Variants in MUC6 observed in about 807,000 individuals in gnomAD.
MUC6 encodes the protein mucin-6.
MUC6 carries 188 observed loss-of-function variants against 201.5 expected under a neutral mutation model. That is an observed-to-expected ratio of 0.93 (90% CI 0.83 to 1.05). MUC6 has a LOEUF of 1.05. Among genes scored for constraint, MUC6 ranks in the 50% least tolerant of loss-of-function variants. The pLI, the probability that MUC6 is intolerant of heterozygous loss-of-function variation, is 0.00. For synonymous variants in MUC6, 1,228 were observed against 1,389.4 expected, an observed-to-expected ratio of 0.88 and a Z score of 2.58; for missense variants, 2,706 against 3,256.9, an observed-to-expected ratio of 0.83 and a Z score of 4.12.
At position 1,025,834 on chromosome 11, in the gene MUC6, A is replaced by T. The variant is rs774127680; in HGVS notation, c.2770T>A (p.Cys924Ser). 5 of 1,612,830 alleles carry T rather than the reference A, an allele frequency of 3.1e-6. No individual in the cohort carries two copies. The highest frequency in any genetic ancestry group is 4.2e-6 in the Non-Finnish European group (5 of 1,179,740). ...NVICGNSGVT[C>S]SRAIKIFLGG... is the part of the protein sequence containing the mutation. ...AGGAAGATCTTGATGGCCCGTGAGCATGTGACCCCGGAGTTCCCACAGATG... is the reference window on the plus strand; with the variant it reads ...AGGAAGATCTTGATGGCCCGTGAGCTTGTGACCCCGGAGTTCCCACAGATG... Residue 924 changes from cysteine (C) to serine (S), a missense_variant, in exon 22 of 33, where the codon TGC (cysteine) becomes AGC (serine). Transcript: ENST00000421673.
In MUC6 at chr11:1,026,401, G is replaced by C; in HGVS notation, c.2472C>G (p.Pro824=). The part of the protein sequence containing the change: ...YENADGQCVP[P]EECPCEFSGV... ...CCGAGAACTCACATGGGCACTCCTC[G>C]GGGGGCACACACTGCCCGTCGGCAT... The change falls in exon 20 of 33, where the codon CCC becomes CCG. Residue 824 remains proline, a synonymous_variant. Transcript: ENST00000421673. The C allele has an allele frequency of 6.2e-7, 1 of 1,608,142 alleles. No individual in the cohort carries two copies.
chr11:1,023,530 C>T lies in MUC6; in HGVS notation c.3505G>A (p.Val1169Ile), dbSNP rs150335826. The change falls in exon 26 of 33, where the codon GTC becomes ATC. Residue 1169 changes from valine (V) to isoleucine (I), a missense_variant. Transcript: ENST00000421673. The part of the protein sequence containing the change: ...PCLCPSQPQS[V>I]PGSNIEGCYN... ...GCACCTTCGATGTTGCTGCCTGGGA[C>T]GCTCTGTGGCTGGCTGGGGCAGAGG... is the stretch of plus-strand genomic sequence containing the variant. 443 of 1,595,022 alleles carry T rather than the reference C, an allele frequency of 2.8e-4. 3 individuals are homozygous for T. In the East Asian group the frequency reaches 6.2e-3, roughly 22 times the overall value.
chr11:1,023,044 C>T (rs1201778132), intron 26 of MUC6, among the ~76,000 whole-genome samples: 1 of 145,478 alleles, frequency 6.9e-6, no homozygotes, highest in Non-Finnish European at 1.5e-5. Context: ...AGTGAATGTG[C>T]GTGAATGAAT....
In MUC6 at chr11:1,027,709, A is replaced by G; in HGVS notation, c.1957T>C (p.Trp653Arg). ...CSLRGVLLWG[W>R]RSSVDNCTIP... Reference sequence around the variant, plus strand: ...CTGCAGTTGTCCACACTGCTTCTCCAGCCCCAGAGCAGGACGCCCCGCAAG... The same window carrying G: ...CTGCAGTTGTCCACACTGCTTCTCCGGCCCCAGAGCAGGACGCCCCGCAAG... The change falls in exon 16 of 33, where the codon TGG becomes CGG. Residue 653 changes from tryptophan (W) to arginine (R), a missense_variant. Around this residue, in one of 10 missense-constraint regions of MUC6, gnomAD observed 1,850 missense variants for 1,958.3 expected, o/e 0.94. Transcript: ENST00000421673. 1 of 1,604,032 alleles carries G rather than the reference A, an allele frequency of 6.2e-7. No homozygotes were observed. Among genetic ancestry groups the G allele is most frequent in the African/African-American group, 1.3e-5 (1 of 74,762 alleles).
Position 1,023,974 on chromosome 11 carries a change from C to A in MUC6, c.3355G>T (p.Val1119Leu), listed in dbSNP as rs368740728. 6 of 1,612,588 alleles carry A rather than the reference C, an allele frequency of 3.7e-6. No homozygotes were observed. Among genetic ancestry groups the A allele is most frequent in the Non-Finnish European group, 4.2e-6 (5 of 1,179,672 alleles). The change falls in exon 25 of 33, where the codon GTG becomes TTG. Residue 1119 changes from valine to leucine, a missense_variant. Val to Leu is a conservative substitution (Grantham distance 32, BLOSUM62 1). Transcript: ENST00000421673. Reference protein sequence around the residue: ...AQACLDKGVCVDWRTPAFCPI... With the variant: ...AQACLDKGVCLDWRTPAFCPI... Reference sequence around the variant, plus strand: ...CAGAAGGCCGGGGTCCTCCAGTCCACGCACACACCCTTGTCCAGACAGGCT... The same window carrying A: ...CAGAAGGCCGGGGTCCTCCAGTCCAAGCACACACCCTTGTCCAGACAGGCT...
At chr11:1,028,520 T>C in intron 13 of MUC6, 126 bp downstream of exon 13, 1 of 1,532,832 alleles carries the variant, frequency 6.5e-7, no homozygotes. Flanking sequence ...ACGTGCCTGT[T>C]ACCCCTGGGG....
chr11:1,025,726 T>G, intron 22 of MUC6, 79 bp downstream of exon 22: 1 of 1,329,478 alleles, frequency 7.5e-7, no homozygotes, highest in Non-Finnish European at 1.0e-6. Context: ...ACCTGGAGGC[T>G]CCAGTGCGCG....
rs772349712 is a variant in MUC6, at chr11:1,016,021, G to A, written c.6780C>T (p.Thr2260=). The change falls in exon 31 of 33, where the codon ACC becomes ACT. Residue 2260 remains threonine, a synonymous_variant. Coordinates refer to ENST00000421673, the MANE Select transcript of MUC6 (RefSeq NM_005961.3). Reference sequence around the variant, plus strand: ...TGGACTGAGAGGAGAAGGCAGGGGCGGTGTGGGTGCTGGCCGTGGTCCTGG... The same window carrying A: ...TGGACTGAGAGGAGAAGGCAGGGGCAGTGTGGGTGCTGGCCGTGGTCCTGG... The part of the protein sequence containing the change: ...STPRTTASTH[T]APAFSSQSTT... 40 of 1,608,228 alleles carry A rather than the reference G, an allele frequency of 2.5e-5. No individual in the cohort carries two copies. The East Asian group carries it at 3.6e-4, about 14-fold the overall frequency.
In MUC6 at chr11:1,028,377, G is replaced by A; in HGVS notation, c.1602C>T (p.Gly534=). ...CATCCGTTGTGTCCCCGTTGAAGTTGCCGCAGAGCCCTGAGCCGGCGGGGC... is the reference window on the plus strand; with the variant it reads ...CATCCGTTGTGTCCCCGTTGAAGTTACCGCAGAGCCCTGAGCCGGCGGGGC... ...QFRGQTRGLC[G]NFNGDTTDDF... Residue 534 remains glycine (G), a synonymous_variant, in exon 14 of 33, where the codon GGC becomes GGT. Transcript: ENST00000421673. The A allele has an allele frequency of 6.2e-7, 1 of 1,612,230 alleles. No homozygotes were observed. Among genetic ancestry groups the A allele is most frequent in the Non-Finnish European group, 8.5e-7 (1 of 1,179,804 alleles).
intron 15 of MUC6, 28 bp from the exon 16 acceptor site, chr11:1,027,845 GTGGCAGGCACCCTGCCCTGGGGA>G (rs748463922): frequency 6.2e-7 from 1 of 1,604,972 alleles, no homozygotes; most frequent in Non-Finnish European, 8.5e-7. Context: ...GCATGGGCTG[GTGGCAGGCACCCTGCCCTGGGGA>G]CATGGGGGTC....
At chr11:1,028,987 G>C in intron 11 of MUC6, 26 bp from the exon 12 acceptor site, 1 of 1,613,068 alleles carries the variant, frequency 6.2e-7, no homozygotes, top group Non-Finnish European at 8.5e-7. Flanking sequence ...CCTGAGTCAG[G>C]GTGCAGGCAC....
chr11:1,028,450 C>G, intron 13 of MUC6, 63 bp from the exon 14 acceptor site: 1 of 1,580,500 alleles, frequency 6.3e-7, no homozygotes. Flanking sequence ...CCTGCCCACA[C>G]GCCCTGGAGC....
chr11:1,015,977 G>A lies in MUC6; in HGVS notation c.6824C>T (p.Ser2275Phe). The part of the protein sequence containing the change: ...SSQSTTSRST[S>F]LTTRVPTSGF... ...TGATGTGGGAACTCGGGTGGTGAGA[G>A]AAGTGGACCGCGAGGTGGTGGACTG... The change falls in exon 31 of 33, where the codon TCT (serine) becomes TTT (phenylalanine). Residue 2275 changes from serine (S) to phenylalanine (F), a missense_variant. Transcript: ENST00000421673. 6.3e-7 allele frequency: 1 copy of A among 1,596,448 alleles called. No homozygotes were observed. Among genetic ancestry groups the A allele is most frequent in the Non-Finnish European group, 8.6e-7 (1 of 1,169,036 alleles).
chr11:1,033,075 C>T lies in MUC6; in HGVS notation c.53G>A (p.Gly18Asp), dbSNP rs1230506454. 1 of 1,613,234 alleles carries T rather than the reference C, an allele frequency of 6.2e-7. No individual in the cohort carries two copies. Reference sequence around the variant, plus strand: ...GCTGGTGTAGGAGGTGTTAGCCAGACCTGTGTGGACGGGACCCGCAGTCGG... The same window carrying T: ...GCTGGTGTAGGAGGTGTTAGCCAGATCTGTGTGGACGGGACCCGCAGTCGG... ...LSCCGALLSAGLANTSYTSPG... is the reference protein window; with the variant it reads ...LSCCGALLSADLANTSYTSPG... Residue 18 changes from glycine (G) to aspartate (D), a missense_variant and splice_region_variant, in exon 2 of 33, where the codon GGT (glycine) becomes GAT (aspartate). Physicochemically the swap from Gly to Asp is moderately conservative, Grantham distance 94. This residue lies in a region of MUC6 where 1,850 missense variants were observed against 1,958.3 expected (regional missense o/e 0.94). Transcript: ENST00000421673. This position sits in a 1 kb window ranked among gnomAD's most constrained non-coding sequence, Gnocchi z 5.6.
rs926081474 is a variant in MUC6, at chr11:1,014,104, T to C, written c.7040-103A>G. ...GGGGTCCCCACCTGTCTCTGGACTC[T>C]CCTGCCCAAGGTGTGGTCTCCCCTT... On this transcript the variant is annotated intron_variant, in intron 31 of 32. Transcript: ENST00000421673. The C allele has an allele frequency of 1.3e-5, 12 of 958,552 alleles. No individual in the cohort carries two copies. The African/African-American group carries it at 1.6e-4, about 13-fold the overall frequency. 59.4% of individuals were successfully genotyped at this position (958,552 alleles called of 1,614,324 possible). A position where few individuals can be genotyped will look rare whatever the true frequency, so the allele number is the denominator to read the frequency against.
In MUC6 at chr11:1,015,862, C is replaced by G. The variant is rs760228054; in HGVS notation, c.6939G>C (p.Ser2313=). ...AGCTGGTCAGGAACCGTGTGGTAGG[C>G]GACAAGGTGGGACCAGGGTGCCTGG... ...LTTRHPGPTL[S]PTTRFLTSSL... Residue 2313 remains serine, a synonymous_variant, in exon 31 of 33, where the codon TCG becomes TCC. Transcript: ENST00000421673. The G allele has an allele frequency of 6.2e-7, 1 of 1,606,960 alleles. No individual in the cohort carries two copies. The highest frequency in any genetic ancestry group is 8.5e-7 in the Non-Finnish European group (1 of 1,176,118).
chr11:1,016,243 A>T lies in MUC6; in HGVS notation c.6558T>A (p.His2186Gln), dbSNP rs750161104. Reference protein sequence around the residue: ...SSGSHSSLSTHPTTASVSASP... With the variant: ...SSGSHSSLSTQPTTASVSASP... ...ATGCAGACACTGATGCAGTCGTGGG[A>T]TGAGTGGACAATGAGGAGTGTGACC... is the stretch of plus-strand genomic sequence containing the variant. The change falls in exon 31 of 33, where the codon CAT becomes CAA. Residue 2186 changes from histidine to glutamine, a missense_variant. His to Gln is a conservative substitution (Grantham distance 24, BLOSUM62 0). Transcript: ENST00000421673. 3 of 1,613,242 alleles carry T rather than the reference A, an allele frequency of 1.9e-6. No homozygotes were observed. In the South Asian group the frequency reaches 3.3e-5, roughly 18 times the overall value.
chr11:1,020,239 A>C lies in MUC6; in HGVS notation c.3659T>G (p.Val1220Gly). 6.2e-7 allele frequency: 1 copy of C among 1,608,416 alleles called. No individual in the cohort carries two copies. Among genetic ancestry groups the C allele is most frequent in the Non-Finnish European group, 8.5e-7 (1 of 1,178,058 alleles). The change falls in exon 29 of 33, where the codon GTC (valine) becomes GGC (glycine). Residue 1220 changes from valine (V) to glycine (G), a missense_variant. By Grantham distance (109) the Val-to-Gly change is moderately radical. Around this residue, in one of 10 missense-constraint regions of MUC6, gnomAD observed 1,850 missense variants for 1,958.3 expected, o/e 0.94. Coordinates refer to ENST00000421673, the MANE Select transcript of MUC6 (RefSeq NM_005961.3). ...GGTGGAGGTTCCCGTCATGGGCCAG[A>C]CTTGCGTGGGCCGTGAGCCTGGGTG... Reference protein sequence around the residue: ...LPTTGSRPTQVWPMTGTSTTI... With the variant: ...LPTTGSRPTQGWPMTGTSTTI...
Position 1,036,672 on chromosome 11 carries a change from GAGCTCGCGCTGGGCCCGGC to G in MUC6, c.-36_-18del. On this transcript the variant is annotated 5_prime_UTR_variant, in exon 1 of 33. Coordinates refer to ENST00000421673, the MANE Select transcript of MUC6 (RefSeq NM_005961.3). ...CTGGACCATGGTGCACAGTGGAGAGGAGCTCGCGCTGGGCCCGGCAGGCCTGCTGCTGCCATCCATGCGG... is the reference window on the plus strand; with the variant it reads ...CTGGACCATGGTGCACAGTGGAGAGGAGGCCTGCTGCTGCCATCCATGCGG... 1 of 1,545,402 alleles carries G rather than the reference GAGCTCGCGCTGGGCCCGGC, an allele frequency of 6.5e-7. No homozygotes were observed. The highest frequency in any genetic ancestry group is 8.7e-7 in the Non-Finnish European group (1 of 1,146,154).
Sources: allele counts gnomAD v4.1 joint callset (sites outside exome capture counted in the v4.1 genomes callset), GRCh38; gene constraint gnomAD v4.1.1; regional missense constraint gnomAD v4.1.1; non-coding constraint Gnocchi (gnomAD v3.1); transcripts MANE v1.5; gene names NCBI Gene and HGNC (gene_info 2026-07-23, HGNC 2026-07-21).